The following PLCB4 variants were observed in gnomAD, a reference collection of about 807,000 sequenced individuals.
PLCB4 encodes 1-phosphatidylinositol 4,5-bisphosphate phosphodiesterase beta-4.
In PLCB4, 77 loss-of-function variants were observed where a neutral mutation model predicts 178.8. That is an observed-to-expected ratio of 0.43 (90% CI 0.36 to 0.52). PLCB4 has a LOEUF of 0.52. PLCB4 is among the 20% of genes least tolerant of loss of function. PLCB4 has a pLI of 0.00. For missense variants in PLCB4, 1,024 were observed against 1,453.4 expected (o/e 0.70, Z 4.80); for synonymous variants, 496 against 490.8 (o/e 1.01, Z -0.14).
At chr20:9,157,003 C>T (rs1389428998) in intron 2 of PLCB4, among the ~76,000 whole-genome samples, 3 of 151,780 alleles carry the variant, frequency 2.0e-5, no homozygotes, top group Non-Finnish European at 2.9e-5. Context: ...CTGGACCTCA[C>T]GGATCACTAG....
chr20:9,205,973 C>T lies in PLCB4; in HGVS notation c.-78-11417C>T, dbSNP rs534708677. On this transcript the variant is annotated intron_variant, in intron 2 of 39. Coordinates refer to ENST00000378473, the MANE Select transcript of PLCB4 (RefSeq NM_001377142.1). ...TCCTTTCTATTGTTGAGTAGTATTT[C>T]GTGTTTCTTTTAACCTTTGTAATGA... Among the ~76,000 whole-genome samples the T allele has an allele frequency of 1.4e-3, 208 of 152,188 alleles. 1 individual carries two copies. The highest frequency in any genetic ancestry group is 4.7e-3 in the African/African-American group (195 of 41,528).
intron 2 of PLCB4, among the ~76,000 whole-genome samples, chr20:9,180,557 A>C (rs532133524): frequency 6.6e-6 from 1 of 152,150 alleles, no homozygotes; most frequent in Admixed American, 6.6e-5. Flanking sequence ...ACAACCCTCA[A>C]TTCCTTTCTG....
chr20:9,335,333 AC>A (rs2032303744), intron 4 of PLCB4, among the ~76,000 whole-genome samples: 1 of 151,938 alleles, frequency 6.6e-6, no homozygotes, highest in South Asian at 2.1e-4. Flanking sequence ...GTCCCATCAC[AC>A]CCCCTGTCAT....
At chr20:9,331,601 G>A (rs2031665088) in intron 4 of PLCB4, among the ~76,000 whole-genome samples, 1 of 152,160 alleles carries the variant, frequency 6.6e-6, no homozygotes, top group African/African-American at 2.4e-5. Flanking sequence ...TTCCTTATGA[G>A]GGGATTAAAC....
intron 3 of PLCB4, among the ~76,000 whole-genome samples, chr20:9,297,805 G>A (rs1287913048): frequency 6.6e-6 from 1 of 152,084 alleles, no homozygotes; most frequent in Non-Finnish European, 1.5e-5. Flanking sequence ...GAGGATTTTG[G>A]AGGGCTGGCA....
At chr20:9,380,184 C>T (rs777739870) in intron 13 of PLCB4, 22 bp downstream of exon 13, 6 of 1,118,400 alleles carry the variant, frequency 5.4e-6, no homozygotes, top group Non-Finnish European at 7.7e-6. Context: ...GAAAAAAGGA[C>T]TTAAAAAAAA....
intron 3 of PLCB4, among the ~76,000 whole-genome samples, chr20:9,248,419 G>A (rs1328497155): frequency 1.3e-5 from 2 of 152,130 alleles, no homozygotes; most frequent in South Asian, 2.1e-4. Context: ...AACTCAAAGA[G>A]TTTCTTAATA....
intron 3 of PLCB4, among the ~76,000 whole-genome samples, chr20:9,267,849 C>A (rs1381479361): frequency 1.3e-5 from 2 of 152,084 alleles, no homozygotes; most frequent in Non-Finnish European, 2.9e-5. Context: ...AATGGGTTAG[C>A]ATGGGAGTGG....
At chr20:9,330,011 A>G (rs1601881913) in intron 4 of PLCB4, among the ~76,000 whole-genome samples, 1 of 152,216 alleles carries the variant, frequency 6.6e-6, no homozygotes, top group Non-Finnish European at 1.5e-5. Flanking sequence ...TGAAAAAAAT[A>G]AAAATTTGTG....
chr20:9,069,903 G>A (rs2089480032), intron 1 of PLCB4, among the ~76,000 whole-genome samples: 1 of 152,034 alleles, frequency 6.6e-6, no homozygotes, highest in Non-Finnish European at 1.5e-5. Flanking sequence ...CCATAAATAT[G>A]GATATATCTG....
At chr20:9,213,842 T>C (rs2093699781) in intron 2 of PLCB4, among the ~76,000 whole-genome samples, 2 of 152,248 alleles carry the variant, frequency 1.3e-5, no homozygotes, top group Non-Finnish European at 2.9e-5. Context: ...CTTTTGATTA[T>C]AGCTTTTCTA....
In PLCB4 at chr20:9,088,187, T is replaced by C. The variant is rs866601293; in HGVS notation, c.-134-8100T>C. Among the ~76,000 whole-genome samples, 1,112 of 114,264 alleles carry C rather than the reference T, an allele frequency of 9.7e-3. 15 individuals carry two copies. Among genetic ancestry groups the C allele is most frequent in the African/African-American group, 0.032 (1,062 of 33,112 alleles). 75.0% of individuals were successfully genotyped at this position (114,264 alleles called of 152,430 possible). ...GCTTTTCTTTTCTTTTCTTTTTTTTTTTTTTTTTTGCCTTCCTTATGAGGT... is the reference window on the plus strand; with the variant it reads ...GCTTTTCTTTTCTTTTCTTTTTTTTCTTTTTTTTTGCCTTCCTTATGAGGT... On this transcript the variant is annotated intron_variant, in intron 1 of 39. Transcript: ENST00000378473.
Position 9,311,316 on chromosome 20 carries a change from A to T in PLCB4, c.84+3418A>T, listed in dbSNP as rs566340676. On this transcript the variant is annotated intron_variant, in intron 4 of 39. Coordinates refer to ENST00000378473, the MANE Select transcript of PLCB4 (RefSeq NM_001377142.1). ...CCAATTTGTTTCCTTCCCTAAACCC[A>T]CTTTAACATCAAATTCCAGAAATAC... 2.0e-5 allele frequency among the ~76,000 whole-genome samples: 3 copies of T among 152,282 alleles called. No individual in the cohort carries two copies. In the South Asian group the frequency reaches 6.2e-4, roughly 32 times the overall value.
At chr20:9,313,088 G>A (rs1180561144) in intron 4 of PLCB4, among the ~76,000 whole-genome samples, 2 of 152,080 alleles carry the variant, frequency 1.3e-5, no homozygotes, top group Non-Finnish European at 2.9e-5. Context: ...GGCCATCTTT[G>A]CATATTATTT....
At chr20:9,417,709 T>C (rs2040350620) in intron 25 of PLCB4, among the ~76,000 whole-genome samples, 1 of 152,208 alleles carries the variant, frequency 6.6e-6, no homozygotes. Context: ...TTATCTTGGT[T>C]ACATGCATAA....
intron 3 of PLCB4, among the ~76,000 whole-genome samples, chr20:9,227,619 G>T (rs1041738693): frequency 1.1e-4 from 17 of 152,204 alleles, no homozygotes; most frequent in Admixed American, 1.1e-3. Flanking sequence ...CTTGTCAGGA[G>T]TCTATTGGCT....
In PLCB4 at chr20:9,291,265, A is replaced by T. The variant is rs901454442; in HGVS notation, c.-15-16535A>T. Among the ~76,000 whole-genome samples the T allele has an allele frequency of 5.3e-5, 8 of 152,160 alleles. No individual in the cohort carries two copies. In the South Asian group the frequency reaches 8.3e-4, roughly 16 times the overall value. ...TTCTGATGTGAATGAAATAGACTCA[A>T]TTCCACTCTCCCTGCTGGTCTATCA... On this transcript the variant is annotated intron_variant, in intron 3 of 39. Transcript: ENST00000378473.
At position 9,109,547 on chromosome 20, in the gene PLCB4, C is replaced by T. The variant is rs114033311; in HGVS notation, c.-79+13205C>T. ...TTTCCCCTACTCCCTACCACCACCC[C>T]TCTGCAACTTACCTACAATACACAT... is the stretch of plus-strand genomic sequence containing the variant. On this transcript the variant is annotated intron_variant, in intron 2 of 39. Transcript: ENST00000378473. Among the ~76,000 whole-genome samples the T allele has an allele frequency of 4.3e-3, 655 of 152,058 alleles. 6 individuals are homozygous for T. Among genetic ancestry groups the T allele is most frequent in the African/African-American group, 0.015 (616 of 41,488 alleles).
chr20:9,478,909 C>A lies in PLCB4; in HGVS notation c.3533-12C>A. 2 of 1,608,136 alleles carry A rather than the reference C, an allele frequency of 1.2e-6. No individual in the cohort carries two copies. Among genetic ancestry groups the A allele is most frequent in the Non-Finnish European group, 1.7e-6 (2 of 1,174,732 alleles). On this transcript the variant is annotated splice_polypyrimidine_tract_variant and intron_variant, in intron 39 of 39. Transcript: ENST00000378473. The stretch of plus-strand genomic sequence containing the variant: ...TTTCAACACACGTAAGGCCATGTTT[C>A]TGATGTTATAGGCGAAGGAGATGCA...
Sources: gnomAD v4.1 joint callset for allele counts (sites outside exome capture counted in the v4.1 genomes callset) on GRCh38, gnomAD v4.1.1 for gene constraint, MANE v1.5 for transcripts, NCBI Gene and HGNC (gene_info 2026-07-23, HGNC 2026-07-21) for gene names.